Variants in CCDC85A observed in about 807,000 individuals in gnomAD.
CCDC85A encodes the protein coiled-coil domain-containing protein 85A.
CCDC85A carries 38 observed loss-of-function variants against 50.2 expected under a neutral mutation model. The ratio of observed to expected loss-of-function variants is 0.76; its 90% CI spans 0.58 to 0.99. The LOEUF (loss-of-function observed/expected upper bound fraction) is 0.99, where lower values mean the gene tolerates loss of function less well. Among genes scored for constraint, CCDC85A ranks in the 50% least tolerant of loss-of-function variants. The pLI is 0.00. For synonymous variants in CCDC85A, 366 were observed against 301.4 expected (o/e 1.21, Z -2.22); for missense variants, 820 against 742.0 (o/e 1.11, Z -1.22).
chr2:56,297,792 A>G (rs978414124), intron 2 of CCDC85A, among the ~76,000 whole-genome samples: 8 of 152,042 alleles, frequency 5.3e-5, no homozygotes, highest in Non-Finnish European at 1.2e-4. Flanking sequence ...TGGGTATAGG[A>G]CTTCATTCTT....
chr2:56,343,367 C>T (rs975186226), intron 3 of CCDC85A, among the ~76,000 whole-genome samples: 7 of 152,264 alleles, frequency 4.6e-5, no homozygotes, highest in South Asian at 4.1e-4. Context: ...TGGAAGGTTT[C>T]GCATTATAAT....
chr2:56,342,013 T>A (rs775035556), intron 2 of CCDC85A, among the ~76,000 whole-genome samples: 2 of 151,878 alleles, frequency 1.3e-5, no homozygotes, highest in Non-Finnish European at 1.5e-5. Flanking sequence ...TGTAGCTTTG[T>A]AGTTTATTTT....
In CCDC85A at chr2:56,184,641, G is replaced by A; in HGVS notation, c.17G>A (p.Gly6Glu). Residue 6 changes from glycine (G) to glutamate (E), a missense_variant, in exon 1 of 6, where the codon GGA becomes GAA. Physicochemically the swap from Gly to Glu is moderately conservative, Grantham distance 98. Transcript: ENST00000407595. ...GCGGATACCATGTCGAAGGCGGCCG[G>A]AGGCGCGGCGGCGGCTGCGGCGGCG... MSKAA[G>E]GAAAAAAAAE... 4.9e-6 allele frequency: 7 copies of A among 1,436,782 alleles called. No individual in the cohort carries two copies. The highest frequency in any genetic ancestry group is 6.3e-6 in the Non-Finnish European group (7 of 1,108,634). The allele number at this position is 1,436,782 out of a possible 1,614,324, so 89.0% of individuals were successfully genotyped here.
intron 1 of CCDC85A, among the ~76,000 whole-genome samples, chr2:56,186,339 G>A (rs1171949279): frequency 4.6e-5 from 7 of 152,154 alleles, no homozygotes; most frequent in African/African-American, 7.2e-5. Context: ...TTGCCAGGAG[G>A]GTGAGCTTGG....
intron 3 of CCDC85A, among the ~76,000 whole-genome samples, chr2:56,344,246 A>G (rs1041584133): frequency 6.6e-6 from 1 of 152,226 alleles, no homozygotes. Context: ...CAAAGTTATT[A>G]TTAGTAAAGT....
intron 2 of CCDC85A, among the ~76,000 whole-genome samples, chr2:56,211,164 T>C (rs1380864091): frequency 6.6e-6 from 1 of 152,048 alleles, no homozygotes; most frequent in Non-Finnish European, 1.5e-5. Flanking sequence ...TTTGTCAGTG[T>C]TCATAGGAGG....
chr2:56,212,809 C>T (rs1677232248), intron 2 of CCDC85A, among the ~76,000 whole-genome samples: 1 of 152,020 alleles, frequency 6.6e-6, no homozygotes, highest in South Asian at 2.1e-4. Context: ...CTGTACAGAT[C>T]TTGCTTCCAG....
At position 56,384,262 on chromosome 2, in the gene CCDC85A, T is replaced by A; in HGVS notation, c.1573-4T>A. 1 of 1,608,582 alleles carries A rather than the reference T, an allele frequency of 6.2e-7. No individual in the cohort carries two copies. The highest frequency in any genetic ancestry group is 1.1e-5 in the South Asian group (1 of 90,878). On this transcript the variant is annotated splice_region_variant and splice_polypyrimidine_tract_variant and intron_variant, in intron 5 of 5. Transcript: ENST00000407595. Reference sequence around the variant, plus strand: ...GATACTCACTCCTTCTTTTTTTTTTTAAGGTTGTGTGGAGGAAACTTGGAG... The same window carrying A: ...GATACTCACTCCTTCTTTTTTTTTTAAAGGTTGTGTGGAGGAAACTTGGAG...
chr2:56,385,806 A>T lies in CCDC85A; in HGVS notation c.*1451A>T, dbSNP rs1211279683. The T allele has an allele frequency of 6.6e-6, 1 of 151,704 alleles. No individual in the cohort carries two copies. Among genetic ancestry groups the T allele is most frequent in the Non-Finnish European group, 1.5e-5 (1 of 67,782 alleles). 9.4% of individuals were successfully genotyped at this position (151,704 alleles called of 1,614,324 possible). ...ATTTTCAGAAAATATTTATGAATTA[A>T]TTTACTATAGAATTATCTCTCTAAT... On this transcript the variant is annotated 3_prime_UTR_variant, in exon 6 of 6. Transcript: ENST00000407595.
chr2:56,320,802 C>T (rs980862619), intron 2 of CCDC85A, among the ~76,000 whole-genome samples: 3 of 152,136 alleles, frequency 2.0e-5, no homozygotes, highest in African/African-American at 4.8e-5. Context: ...AGGCCAACAT[C>T]ATCCTGATAT....
intron 2 of CCDC85A, among the ~76,000 whole-genome samples, chr2:56,254,081 T>TACACACATATAC (rs1393177796): frequency 6.6e-6 from 1 of 152,162 alleles, no homozygotes; most frequent in Non-Finnish European, 1.5e-5. Context: ...CATATACATA[T>TACACACATATAC]ATGTGCACAT....
At chr2:56,271,868 G>A (rs971607755) in intron 2 of CCDC85A, among the ~76,000 whole-genome samples, 4 of 152,118 alleles carry the variant, frequency 2.6e-5, no homozygotes, top group African/African-American at 9.7e-5. Context: ...CCTGTCTTTG[G>A]CAAATTATGA....
At chr2:56,369,664 G>T (rs1675978988) in intron 3 of CCDC85A, among the ~76,000 whole-genome samples, 1 of 151,998 alleles carries the variant, frequency 6.6e-6, no homozygotes, top group African/African-American at 2.4e-5. Context: ...TAGTTCTTGG[G>T]GACTTTTTCT....
At chr2:56,296,934 A>G (rs1474799676) in intron 2 of CCDC85A, among the ~76,000 whole-genome samples, 1 of 152,198 alleles carries the variant, frequency 6.6e-6, no homozygotes, top group Non-Finnish European at 1.5e-5. Flanking sequence ...TAAAAATGAA[A>G]TAAGACTTTT....
At chr2:56,230,913 C>G (rs1439479195) in intron 2 of CCDC85A, among the ~76,000 whole-genome samples, 2 of 152,036 alleles carry the variant, frequency 1.3e-5, no homozygotes, top group Admixed American at 1.3e-4. Context: ...CTACTTTTGT[C>G]TTATTCTTTT....
chr2:56,356,693 T>G (rs983946130), intron 3 of CCDC85A, among the ~76,000 whole-genome samples: 15 of 143,262 alleles, frequency 1.0e-4, no homozygotes, highest in African/African-American at 3.7e-4. Flanking sequence ...CCACTGCACT[T>G]CAGCCTGGCC....
chr2:56,288,566 T>G (rs1488941332), intron 2 of CCDC85A, among the ~76,000 whole-genome samples: 1 of 152,116 alleles, frequency 6.6e-6, no homozygotes, highest in African/African-American at 2.4e-5. Context: ...GAGACATAAT[T>G]ATGTTTACCT....
chr2:56,261,984 G>A (rs1411381752), intron 2 of CCDC85A, among the ~76,000 whole-genome samples: 2 of 152,188 alleles, frequency 1.3e-5, no homozygotes, highest in African/African-American at 4.8e-5. Context: ...GCTAATGAAA[G>A]GCATGATTCA....
At chr2:56,276,113 C>T (rs376980111) in intron 2 of CCDC85A, among the ~76,000 whole-genome samples, 11 of 152,214 alleles carry the variant, frequency 7.2e-5, no homozygotes, top group East Asian at 5.8e-4. Context: ...AGATTTGGGG[C>T]GTCTCCCCTC....
Sources: allele counts gnomAD v4.1 joint callset (sites outside exome capture counted in the v4.1 genomes callset), GRCh38; gene constraint gnomAD v4.1.1; transcripts MANE v1.5; gene names NCBI Gene and HGNC (gene_info 2026-07-23, HGNC 2026-07-21).